Variants in VPS13B observed in about 807,000 individuals in gnomAD.
VPS13B encodes the protein vacuolar protein sorting 13 homolog B.
A neutral mutation model predicts 426.4 loss-of-function variants in VPS13B; 285 were observed. The ratio of observed to expected loss-of-function variants is 0.67; its 90% CI spans 0.61 to 0.74. The LOEUF is 0.74. Among genes scored for constraint, VPS13B ranks in the 30% least tolerant of loss-of-function variants. The pLI, the probability that VPS13B is intolerant of heterozygous loss-of-function variation, is 0.00. For missense variants in VPS13B, 4,537 were observed against 4,782.6 expected (o/e 0.95, Z 1.51); for synonymous variants, 1,676 against 1,676.4 (o/e 1.00, Z 0.01).
chr8:99,868,291 G>A lies in VPS13B; in HGVS notation c.11218G>A (p.Ala3740Thr), dbSNP rs749392832. ...ACTGAGGGCTTTTGTTATTCCAGGTGCAATTGCTGGTATAGTTGATCAGCC... is the reference window on the plus strand; with the variant it reads ...ACTGAGGGCTTTTGTTATTCCAGGTACAATTGCTGGTATAGTTGATCAGCC... Reference protein sequence around the residue: ...LSRLGISLLGAIAGIVDQPMQ... With the variant: ...LSRLGISLLGTIAGIVDQPMQ... Residue 3740 changes from alanine (A) to threonine (T), a missense_variant and splice_region_variant, in exon 59 of 62, where the codon GCA becomes ACA. Ala to Thr is a moderately conservative substitution (Grantham distance 58). This residue lies in a region of VPS13B where 4,311 missense variants were observed against 4,474.3 expected (regional missense o/e 0.96). Coordinates refer to ENST00000357162, the MANE Select transcript of VPS13B (RefSeq NM_152564.5). The A allele has an allele frequency of 2.0e-5, 33 of 1,614,140 alleles. No homozygotes were observed. Among genetic ancestry groups the A allele is most frequent in the Non-Finnish European group, 2.7e-5 (32 of 1,180,026 alleles).
chr8:99,453,958 T>C (rs1246595295), intron 23 of VPS13B, among the ~76,000 whole-genome samples: 2 of 152,180 alleles, frequency 1.3e-5, no homozygotes, highest in Non-Finnish European at 2.9e-5. Flanking sequence ...ATGACATGTA[T>C]CTGTCATCGT....
intron 43 of VPS13B, among the ~76,000 whole-genome samples, chr8:99,802,080 G>T (rs1263880271): frequency 6.6e-6 from 1 of 151,846 alleles, no homozygotes; most frequent in Admixed American, 6.6e-5. Flanking sequence ...AGCCCAGGAG[G>T]TTGAGGCTAC....
chr8:99,417,534 C>A (rs962526171), intron 21 of VPS13B, among the ~76,000 whole-genome samples: 1 of 152,052 alleles, frequency 6.6e-6, no homozygotes, highest in African/African-American at 2.4e-5. Flanking sequence ...CTCATTTACT[C>A]CCCTGTTCAA....
intron 5 of VPS13B, among the ~76,000 whole-genome samples, chr8:99,108,359 C>G (rs1847165341): frequency 6.6e-6 from 1 of 152,192 alleles, no homozygotes; most frequent in Non-Finnish European, 1.5e-5. Flanking sequence ...AAGCGTGTTG[C>G]CTATGCTTTT....
intron 17 of VPS13B, among the ~76,000 whole-genome samples, chr8:99,273,159 G>GTTTT (rs757322206): frequency 7.7e-6 from 1 of 129,458 alleles, no homozygotes; most frequent in African/African-American, 2.8e-5. Flanking sequence ...TACTCAGGTA[G>GTTTT]TTTTTTTTTT....
At chr8:99,819,625 A>T in intron 48 of VPS13B, 43 bp downstream of exon 48, 1 of 1,596,802 alleles carries the variant, frequency 6.3e-7, no homozygotes, top group South Asian at 1.1e-5. Context: ...ATTTCTCAAC[A>T]TTAACAAATG....
intron 29 of VPS13B, 149 bp downstream of exon 29, chr8:99,511,661 T>G: frequency 3.8e-6 from 3 of 788,056 alleles, no homozygotes; most frequent in Non-Finnish European, 6.0e-6. Flanking sequence ...AATATAGATA[T>G]TCTACAAATC....
At chr8:99,499,477 G>T (rs927361905) in intron 25 of VPS13B, among the ~76,000 whole-genome samples, 1 of 152,012 alleles carries the variant, frequency 6.6e-6, no homozygotes, top group African/African-American at 2.4e-5. Context: ...TCTGTCTGTT[G>T]GAAGGAGGGT....
intron 14 of VPS13B, among the ~76,000 whole-genome samples, chr8:99,150,578 T>C (rs1413371453): frequency 1.3e-5 from 2 of 152,216 alleles, no homozygotes; most frequent in Non-Finnish European, 2.9e-5. Flanking sequence ...CCACTGATCT[T>C]TTTACTGTCC....
intron 17 of VPS13B, among the ~76,000 whole-genome samples, chr8:99,213,376 T>G (rs138769714): frequency 6.6e-6 from 1 of 152,296 alleles, no homozygotes; most frequent in Non-Finnish European, 1.5e-5. Context: ...GATTTCCATG[T>G]CAAAAATTAT....
intron 3 of VPS13B, among the ~76,000 whole-genome samples, chr8:99,054,746 A>AT (rs1843741786): frequency 1.3e-5 from 2 of 152,176 alleles, no homozygotes; most frequent in Non-Finnish European, 2.9e-5. Context: ...ATATGGAATG[A>AT]TTAATTTTAT....
chr8:99,718,127 T>TGGAGTACA (rs1406672902), intron 37 of VPS13B, among the ~76,000 whole-genome samples: 1 of 152,098 alleles, frequency 6.6e-6, no homozygotes, highest in African/African-American at 2.4e-5. Context: ...TCACCCAGGC[T>TGGAGTACA]GGAGTACAGG....
intron 17 of VPS13B, among the ~76,000 whole-genome samples, chr8:99,270,131 C>CTTT (rs71273170): frequency 0.01 from 309 of 30,298 alleles, 109 homozygotes; most frequent in African/African-American, 0.025. Flanking sequence ...ATATAAGAAT[C>CTTT]TTTTTTTTTT....
chr8:99,377,849 A>G (rs574115094), intron 19 of VPS13B, among the ~76,000 whole-genome samples: 2 of 152,320 alleles, frequency 1.3e-5, no homozygotes, highest in South Asian at 4.1e-4. Context: ...CAGAGATCAC[A>G]TGGTTCAAGG....
intron 20 of VPS13B, among the ~76,000 whole-genome samples, chr8:99,386,449 A>C (rs569811751): frequency 6.6e-6 from 1 of 152,162 alleles, no homozygotes; most frequent in Non-Finnish European, 1.5e-5. Flanking sequence ...GCTATAATCC[A>C]TCTCTGGTAT....
chr8:99,098,370 A>G (rs1031959629), intron 4 of VPS13B, among the ~76,000 whole-genome samples: 8 of 152,144 alleles, frequency 5.3e-5, no homozygotes, highest in African/African-American at 1.7e-4. Flanking sequence ...ACATATGCAC[A>G]CAAAAACAAT....
chr8:99,790,820 A>T (rs540350128), intron 43 of VPS13B, among the ~76,000 whole-genome samples: 1 of 152,174 alleles, frequency 6.6e-6, no homozygotes, highest in East Asian at 1.9e-4. Context: ...CATGTGTGAA[A>T]GCCACAGAGA....
At position 99,143,096 on chromosome 8, in the gene VPS13B, C is replaced by T. The variant is rs1588083628; in HGVS notation, c.1774C>T (p.His592Tyr). ...TTTTCGTTTGGATAGCAGTGCGGTG[C>T]ATAGGATTTTGAAAATGATTGTGTG... ...LDFRLDSSAV[H>Y]RILKMIVCAL... Residue 592 changes from histidine to tyrosine, a missense_variant, in exon 13 of 62, where the codon CAT becomes TAT. Physicochemically the swap from His to Tyr is moderately conservative, Grantham distance 83. Around this residue, in one of 2 missense-constraint regions of VPS13B, gnomAD observed 4,311 missense variants for 4,474.3 expected, o/e 0.96. Coordinates refer to ENST00000357162, the MANE Select transcript of VPS13B (RefSeq NM_152564.5). 2 of 1,613,998 alleles carry T rather than the reference C, an allele frequency of 1.2e-6. No individual in the cohort carries two copies. The highest frequency in any genetic ancestry group is 1.7e-4 in the Middle Eastern group (1 of 6,058).
chr8:99,848,020 C>A (rs544732156), intron 54 of VPS13B, among the ~76,000 whole-genome samples: 1 of 152,144 alleles, frequency 6.6e-6, no homozygotes, highest in Admixed American at 6.5e-5. Context: ...CCCCTACCCT[C>A]AGGTAATCCT....
Sources: allele counts gnomAD v4.1 joint callset (sites outside exome capture counted in the v4.1 genomes callset), GRCh38; gene constraint gnomAD v4.1.1; regional missense constraint gnomAD v4.1.1; transcripts MANE v1.5; gene names NCBI Gene and HGNC (gene_info 2026-07-23, HGNC 2026-07-21).